The following BRINP1 variants were observed in gnomAD, a reference collection of about 807,000 sequenced individuals.
BRINP1 encodes the protein BMP/retinoic acid-inducible neural-specific protein 1.
Under a neutral mutation model 72.9 loss-of-function variants are expected in BRINP1, and 17 were observed. The ratio of observed to expected loss-of-function variants is 0.23; its 90% CI spans 0.16 to 0.35. The LOEUF is 0.35. BRINP1 is among the 10% of genes least tolerant of loss of function. The probability of loss-of-function intolerance (pLI) is 1.00; values close to 1 mark genes in which losing one functional copy is unlikely to be tolerated. For synonymous variants in BRINP1, 418 were observed against 378.5 expected, an observed-to-expected ratio of 1.10 and a Z score of -1.21; for missense variants, 850 against 1,001.6, an observed-to-expected ratio of 0.85 and a Z score of 2.04.
intron 7 of BRINP1, among the ~76,000 whole-genome samples, chr9:119,188,189 AC>A (rs34475944): frequency 0.17 from 25,127 of 152,064 alleles, 2,146 homozygotes; most frequent in East Asian, 0.21. Context: ...CTTGGAAGAG[AC>A]ATGAACATCC....
At chr9:119,285,782 G>C (rs1312040144) in intron 2 of BRINP1, among the ~76,000 whole-genome samples, 2 of 152,048 alleles carry the variant, frequency 1.3e-5, no homozygotes, top group African/African-American at 4.8e-5. Flanking sequence ...GTAGTGGTGT[G>C]TATCTGGTAT....
At chr9:119,355,455 A>G (rs12377833) in intron 1 of BRINP1, among the ~76,000 whole-genome samples, 40,494 of 152,080 alleles carry the variant, frequency 0.27, 5,985 homozygotes, top group Non-Finnish European at 0.33. Flanking sequence ...CCGGCCGGGC[A>G]CGGTGGCTCA....
chr9:119,239,658 G>A (rs1271393155), intron 4 of BRINP1, among the ~76,000 whole-genome samples: 1 of 152,066 alleles, frequency 6.6e-6, no homozygotes, highest in Non-Finnish European at 1.5e-5. Flanking sequence ...TGAAACCTTG[G>A]ATCAGTAACT....
At chr9:119,330,422 T>C (rs182941862) in intron 1 of BRINP1, among the ~76,000 whole-genome samples, 134 of 152,306 alleles carry the variant, frequency 8.8e-4, no homozygotes, top group Non-Finnish European at 1.5e-3. Context: ...TGTCTCTAGG[T>C]ACTAAAGAGC....
At chr9:119,226,541 C>A (rs1830093794) in intron 5 of BRINP1, among the ~76,000 whole-genome samples, 2 of 152,000 alleles carry the variant, frequency 1.3e-5, no homozygotes, top group Admixed American at 1.3e-4. Context: ...GAATTCTTTA[C>A]TCCTTCCTGC....
intron 1 of BRINP1, among the ~76,000 whole-genome samples, chr9:119,366,797 C>T (rs1021432225): frequency 6.6e-6 from 1 of 151,792 alleles, no homozygotes; most frequent in Non-Finnish European, 1.5e-5. Context: ...GATTGATAAG[C>T]CTAGATTCTA....
intron 1 of BRINP1, among the ~76,000 whole-genome samples, chr9:119,362,994 C>T (rs911438332): frequency 6.6e-6 from 1 of 152,156 alleles, no homozygotes; most frequent in Non-Finnish European, 1.5e-5. Flanking sequence ...TTCCTAATTC[C>T]CTTTTATGTC....
At chr9:119,210,762 G>T (rs1390700536) in intron 6 of BRINP1, among the ~76,000 whole-genome samples, 4 of 152,210 alleles carry the variant, frequency 2.6e-5, no homozygotes, top group African/African-American at 9.7e-5. Flanking sequence ...CATCTTGAGT[G>T]CTGAACAGCT....
chr9:119,300,796 A>G (rs2118982956), intron 2 of BRINP1, among the ~76,000 whole-genome samples: 1 of 152,346 alleles, frequency 6.6e-6, no homozygotes, highest in South Asian at 2.1e-4. Context: ...GACTTTATAA[A>G]AGACTATTTT....
chr9:119,323,393 A>G lies in BRINP1; in HGVS notation c.-50-9988T>C, dbSNP rs375168419. ...TGGGTAAAAGGAATGTGTCCCCTCC[A>G]CATAGATCAGAGGTGGGCCACCTAC... is the stretch of plus-strand genomic sequence containing the variant. On this transcript the variant is annotated intron_variant, in intron 1 of 7. Coordinates refer to ENST00000265922, the MANE Select transcript of BRINP1 (RefSeq NM_014618.3). Among the ~76,000 whole-genome samples, 4 of 152,230 alleles carry G rather than the reference A, an allele frequency of 2.6e-5. No homozygotes were observed. The East Asian group carries it at 5.8e-4, about 22-fold the overall frequency.
chr9:119,298,260 T>A (rs753241722), intron 2 of BRINP1, among the ~76,000 whole-genome samples: 41 of 152,156 alleles, frequency 2.7e-4, no homozygotes, highest in Non-Finnish European at 5.1e-4. Context: ...AGGGCCCATA[T>A]TTACATGACA....
chr9:119,196,947 C>T (rs1424982049), intron 7 of BRINP1, among the ~76,000 whole-genome samples: 1 of 152,226 alleles, frequency 6.6e-6, no homozygotes, highest in Non-Finnish European at 1.5e-5. Context: ...CATCCCTCAG[C>T]TCCCATGTGA....
chr9:119,270,880 A>G (rs1830599282), intron 2 of BRINP1, among the ~76,000 whole-genome samples: 1 of 152,220 alleles, frequency 6.6e-6, no homozygotes, highest in Non-Finnish European at 1.5e-5. Context: ...AATCTGAACT[A>G]GAGACTGGTG....
chr9:119,227,894 G>A lies in BRINP1; in HGVS notation c.685+10761C>T, dbSNP rs146762041. 3.5e-4 allele frequency among the ~76,000 whole-genome samples: 54 copies of A among 152,132 alleles called. 2 individuals carry two copies. In the East Asian group the frequency reaches 7.0e-3, roughly 20 times the overall value. On this transcript the variant is annotated intron_variant, in intron 5 of 7. Coordinates refer to ENST00000265922, the MANE Select transcript of BRINP1 (RefSeq NM_014618.3). Reference sequence around the variant, plus strand: ...GCATGATCCCTAACTCTTAGTTGGTGGGATGGATAAATGGGCTAGTGGTTA... The same window carrying A: ...GCATGATCCCTAACTCTTAGTTGGTAGGATGGATAAATGGGCTAGTGGTTA...
At chr9:119,180,452 T>C (rs1264897904) in intron 7 of BRINP1, among the ~76,000 whole-genome samples, 1 of 150,574 alleles carries the variant, frequency 6.6e-6, no homozygotes, top group African/African-American at 2.5e-5. Context: ...TGTTCTTTAG[T>C]TGTGCTGTGT....
chr9:119,366,377 C>T (rs1376008397), intron 1 of BRINP1, among the ~76,000 whole-genome samples: 2 of 152,100 alleles, frequency 1.3e-5, no homozygotes, highest in African/African-American at 4.8e-5. Flanking sequence ...AGACCAGACA[C>T]TTTGCTGGGT....
chr9:119,303,272 C>T (rs1351810888), intron 2 of BRINP1, among the ~76,000 whole-genome samples: 1 of 143,072 alleles, frequency 7.0e-6, no homozygotes, highest in Non-Finnish European at 1.5e-5. Context: ...ACACCCCCCA[C>T]CCCCACCACA....
chr9:119,309,062 A>G (rs1371794576), intron 2 of BRINP1, among the ~76,000 whole-genome samples: 1 of 152,180 alleles, frequency 6.6e-6, no homozygotes, highest in Non-Finnish European at 1.5e-5. Flanking sequence ...TACCATGAGA[A>G]TAAAAGAATA....
At chr9:119,312,288 A>T (rs899232837) in intron 2 of BRINP1, among the ~76,000 whole-genome samples, 1 of 152,226 alleles carries the variant, frequency 6.6e-6, no homozygotes, top group African/African-American at 2.4e-5. Context: ...TTAAGTCCAC[A>T]ACATTCACTG....
Sources: allele counts gnomAD v4.1 joint callset (sites outside exome capture counted in the v4.1 genomes callset), GRCh38; gene constraint gnomAD v4.1.1; transcripts MANE v1.5; gene names NCBI Gene and HGNC (gene_info 2026-07-23, HGNC 2026-07-21).